LRRTM4: variants seen among roughly 807,000 people sequenced by gnomAD.
The protein encoded by LRRTM4 is leucine rich repeat transmembrane neuronal 4.
Under a neutral mutation model 47.6 loss-of-function variants are expected in LRRTM4, and 25 were observed. The ratio of observed to expected loss-of-function variants is 0.53; its 90% confidence interval spans 0.38 to 0.73. The LOEUF (loss-of-function observed/expected upper bound fraction) is 0.73, where lower values mean the gene tolerates loss of function less well. LRRTM4 is among the 30% of genes least tolerant of loss of function. The probability of loss-of-function intolerance (pLI) is 0.00; values close to 1 mark genes in which losing one functional copy is unlikely to be tolerated. For missense variants in LRRTM4, 638 were observed against 713.4 expected (o/e 0.89, Z 1.20); for synonymous variants, 311 against 269.5 (o/e 1.15, Z -1.51).
At chr2:76,925,662 G>T (rs1553431949) in intron 3 of LRRTM4, among the ~76,000 whole-genome samples, 7 of 152,070 alleles carry the variant, frequency 4.6e-5, no homozygotes, top group Non-Finnish European at 1.5e-5. Flanking sequence ...GTAAAAGTGT[G>T]CTACCTGTTT....
intron 3 of LRRTM4, among the ~76,000 whole-genome samples, chr2:77,082,176 C>G (rs1234775028): frequency 6.6e-6 from 1 of 152,048 alleles, no homozygotes; most frequent in African/African-American, 2.4e-5. Context: ...TTCTTAATAT[C>G]TTTATTCTTC....
intron 3 of LRRTM4, among the ~76,000 whole-genome samples, chr2:77,485,793 T>C (rs1677888123): frequency 6.6e-6 from 1 of 152,148 alleles, no homozygotes; most frequent in Non-Finnish European, 1.5e-5. Flanking sequence ...TAGAGTGGCA[T>C]GATCACAACT....
intron 3 of LRRTM4, among the ~76,000 whole-genome samples, chr2:77,373,895 T>C (rs1672737400): frequency 6.6e-6 from 1 of 151,806 alleles, no homozygotes; most frequent in South Asian, 2.1e-4. Context: ...TATTTTTTTC[T>C]TATGCCCTTC....
At chr2:76,944,318 A>C (rs917856536) in intron 3 of LRRTM4, among the ~76,000 whole-genome samples, 4 of 152,174 alleles carry the variant, frequency 2.6e-5, no homozygotes, top group African/African-American at 4.8e-5. Flanking sequence ...AATCTGTATA[A>C]AATTTTTTCT....
chr2:77,008,209 A>G (rs1159521214), intron 3 of LRRTM4, among the ~76,000 whole-genome samples: 4 of 152,286 alleles, frequency 2.6e-5, no homozygotes, highest in Admixed American at 2.0e-4. Flanking sequence ...GGCAATCTTT[A>G]CCTTTAAGTC....
At chr2:77,104,716 T>C (rs1410240352) in intron 3 of LRRTM4, among the ~76,000 whole-genome samples, 1 of 152,098 alleles carries the variant, frequency 6.6e-6, no homozygotes, top group African/African-American at 2.4e-5. Context: ...GTGGCGCCAA[T>C]TTGAGGACAC....
At chr2:77,294,985 T>A (rs1186949163) in intron 3 of LRRTM4, among the ~76,000 whole-genome samples, 1 of 152,128 alleles carries the variant, frequency 6.6e-6, no homozygotes, top group Non-Finnish European at 1.5e-5. Context: ...CAAATCACAT[T>A]TATGTAACTA....
chr2:77,036,643 C>T (rs1019137049), intron 3 of LRRTM4, among the ~76,000 whole-genome samples: 3 of 151,780 alleles, frequency 2.0e-5, no homozygotes, highest in South Asian at 2.1e-4. Context: ...AATATTGATG[C>T]TATTTCTTTG....
At chr2:76,869,790 A>C (rs1423585615) in intron 3 of LRRTM4, among the ~76,000 whole-genome samples, 2 of 152,218 alleles carry the variant, frequency 1.3e-5, no homozygotes, top group African/African-American at 4.8e-5. Context: ...AAAGAAAATA[A>C]TACCCAATGA....
chr2:76,775,403 T>C (rs765070076), intron 3 of LRRTM4, among the ~76,000 whole-genome samples: 6 of 152,176 alleles, frequency 3.9e-5, no homozygotes, highest in Non-Finnish European at 7.3e-5. Context: ...GTAGACCATG[T>C]AGATGCCTTT....
chr2:77,271,558 C>G (rs1676196365), intron 3 of LRRTM4, among the ~76,000 whole-genome samples: 1 of 152,138 alleles, frequency 6.6e-6, no homozygotes, highest in South Asian at 2.1e-4. Flanking sequence ...TGCTGTGAGT[C>G]TAGCAGAGGG....
chr2:77,421,082 A>G (rs1180073240), intron 3 of LRRTM4, among the ~76,000 whole-genome samples: 2 of 151,828 alleles, frequency 1.3e-5, no homozygotes, highest in Admixed American at 1.3e-4. Context: ...AAAGAAATTT[A>G]GAAACCAACT....
intron 3 of LRRTM4, among the ~76,000 whole-genome samples, chr2:77,159,131 T>C (rs1672638852): frequency 6.6e-6 from 1 of 152,182 alleles, no homozygotes. Context: ...GAATAAAGTA[T>C]CTTATTTGGA....
At chr2:76,961,786 T>C (rs927228229) in intron 3 of LRRTM4, among the ~76,000 whole-genome samples, 12 of 151,310 alleles carry the variant, frequency 7.9e-5, no homozygotes, top group Non-Finnish European at 1.3e-4. Context: ...ATACATACTA[T>C]ACATATGTAT....
chr2:76,782,826 C>T (rs1327930441), intron 3 of LRRTM4, among the ~76,000 whole-genome samples: 7 of 152,114 alleles, frequency 4.6e-5, no homozygotes, highest in East Asian at 1.9e-4. Context: ...CCTACAAGTA[C>T]ATTACATTGA....
chr2:77,378,509 A>G (rs922959048), intron 3 of LRRTM4, among the ~76,000 whole-genome samples: 1 of 152,134 alleles, frequency 6.6e-6, no homozygotes, highest in Non-Finnish European at 1.5e-5. Context: ...AAAACACATT[A>G]TATGTATTTT....
intron 3 of LRRTM4, among the ~76,000 whole-genome samples, chr2:77,460,021 G>T (rs149183375): frequency 6.6e-6 from 1 of 151,828 alleles, no homozygotes; most frequent in East Asian, 1.9e-4. Flanking sequence ...AAATTACTAC[G>T]TTTCTCTTTC....
At chr2:77,066,967 C>A (rs1679976752) in intron 3 of LRRTM4, among the ~76,000 whole-genome samples, 1 of 152,136 alleles carries the variant, frequency 6.6e-6, no homozygotes, top group East Asian at 1.9e-4. Flanking sequence ...CTTGGATTCC[C>A]CATGGGGGAA....
chr2:77,087,195 G>A (rs55753825), intron 3 of LRRTM4, among the ~76,000 whole-genome samples: 38,177 of 152,030 alleles, frequency 0.25, 5,205 homozygotes, highest in African/African-American at 0.37. Context: ...AAGAGAGTGG[G>A]CATACATACA....
Sources: allele counts gnomAD v4.1 joint callset (sites outside exome capture counted in the v4.1 genomes callset), GRCh38; gene constraint gnomAD v4.1.1; transcripts MANE v1.5; gene names NCBI Gene and HGNC (gene_info 2026-07-23, HGNC 2026-07-21).